Variants in THSD4 observed in about 807,000 individuals in gnomAD.
The protein encoded by THSD4 is thrombospondin type-1 domain-containing protein 4.
In THSD4, 69 loss-of-function variants were observed where a neutral mutation model predicts 119.0. The ratio of observed to expected loss-of-function variants is 0.58; its 90% confidence interval spans 0.48 to 0.71. The LOEUF (loss-of-function observed/expected upper bound fraction) is 0.71, where lower values mean the gene tolerates loss of function less well. Ranked by LOEUF, THSD4 falls within the 30% of genes least tolerant of loss-of-function variation. The probability of loss-of-function intolerance (pLI) is 0.00; values close to 1 mark genes in which losing one functional copy is unlikely to be tolerated. For missense variants in THSD4, 1,393 were observed against 1,391.1 expected, an observed-to-expected ratio of 1.00 and a Z score of -0.02; for synonymous variants, 524 against 540.4, an observed-to-expected ratio of 0.97 and a Z score of 0.42.
At chr15:71,455,275 A>G (rs2047323009) in intron 7 of THSD4, among the ~76,000 whole-genome samples, 1 of 152,234 alleles carries the variant, frequency 6.6e-6, no homozygotes, top group Non-Finnish European at 1.5e-5. Flanking sequence ...CAGCGGCACC[A>G]CAATGATGAA....
At chr15:71,333,583 G>A (rs1230116275) in intron 6 of THSD4, among the ~76,000 whole-genome samples, 1 of 152,146 alleles carries the variant, frequency 6.6e-6, no homozygotes, top group Non-Finnish European at 1.5e-5. Flanking sequence ...ATAGAGTGCA[G>A]AAAGGCAGTG....
intron 7 of THSD4, among the ~76,000 whole-genome samples, chr15:71,473,208 C>G (rs995447083): frequency 6.6e-6 from 1 of 152,092 alleles, no homozygotes. Flanking sequence ...CAGGCACACA[C>G]TACCACACCT....
chr15:71,424,803 G>T (rs1443989476), intron 7 of THSD4, among the ~76,000 whole-genome samples: 1 of 152,080 alleles, frequency 6.6e-6, no homozygotes, highest in Non-Finnish European at 1.5e-5. Flanking sequence ...ATAGTTTGGG[G>T]GTGTATGTAT....
chr15:71,683,897 C>A (rs944742643), intron 8 of THSD4, among the ~76,000 whole-genome samples: 13 of 152,140 alleles, frequency 8.5e-5, no homozygotes, highest in African/African-American at 3.1e-4. Flanking sequence ...ATCACTTGAA[C>A]CCAGGAGGCA....
intron 4 of THSD4, among the ~76,000 whole-genome samples, chr15:71,222,782 T>C (rs1567161984): frequency 6.6e-6 from 1 of 152,188 alleles, no homozygotes; most frequent in Non-Finnish European, 1.5e-5. Flanking sequence ...TGGCCAGCTC[T>C]CAATGACTGG....
At chr15:71,533,551 C>G (rs533742542) in intron 7 of THSD4, among the ~76,000 whole-genome samples, 3 of 152,178 alleles carry the variant, frequency 2.0e-5, no homozygotes, top group Admixed American at 6.5e-5. Flanking sequence ...AGATTTTTCA[C>G]CATTATGAAC....
At chr15:71,564,179 C>A (rs1379959319) in intron 7 of THSD4, among the ~76,000 whole-genome samples, 2 of 152,146 alleles carry the variant, frequency 1.3e-5, no homozygotes, top group South Asian at 4.1e-4. Flanking sequence ...AGGTAAGATG[C>A]CCTATTCCTG....
At chr15:71,344,301 C>A (rs552223361) in intron 6 of THSD4, among the ~76,000 whole-genome samples, 6 of 151,734 alleles carry the variant, frequency 4.0e-5, no homozygotes, top group African/African-American at 9.7e-5. Flanking sequence ...CCTCGGCCCC[C>A]CAAAGTACTG....
intron 7 of THSD4, among the ~76,000 whole-genome samples, chr15:71,471,540 C>T (rs2047580541): frequency 6.6e-6 from 1 of 151,882 alleles, no homozygotes; most frequent in Non-Finnish European, 1.5e-5. Context: ...TTGCCCTCAC[C>T]CACTTTATGT....
intron 6 of THSD4, among the ~76,000 whole-genome samples, chr15:71,297,803 G>A (rs973575749): frequency 1.3e-5 from 2 of 152,124 alleles, no homozygotes; most frequent in African/African-American, 2.4e-5. Flanking sequence ...TGGGTTGTAT[G>A]TCTTTTTGTT....
chr15:71,739,840 T>C lies in THSD4; in HGVS notation c.1906+1833T>C, dbSNP rs1205537607. Among the ~76,000 whole-genome samples the C allele has an allele frequency of 4.0e-5, 6 of 151,886 alleles. No individual in the cohort carries two copies. The East Asian group carries it at 7.7e-4, about 20-fold the overall frequency. On this transcript the variant is annotated intron_variant, in intron 11 of 17. Transcript: ENST00000261862. ...CTTTGCTTTGCTTTGCTTTTTTTTTTTCTTTTCCTTTCTTTTCTTTTCTTT... is the reference window on the plus strand; with the variant it reads ...CTTTGCTTTGCTTTGCTTTTTTTTTCTCTTTTCCTTTCTTTTCTTTTCTTT...
In THSD4 at chr15:71,283,410, T is replaced by C. The variant is rs560997647; in HGVS notation, c.1015+26695T>C. Among the ~76,000 whole-genome samples the C allele has an allele frequency of 3.9e-5, 6 of 152,354 alleles. No individual in the cohort carries two copies. In the South Asian group the frequency reaches 1.2e-3, roughly 32 times the overall value. On this transcript the variant is annotated intron_variant, in intron 6 of 17. Coordinates refer to ENST00000261862, the MANE Select transcript of THSD4 (RefSeq NM_024817.3). ...ACGTCACTTATTTCTTGAATGTTAATATTAAATGTTAATATTATCTCCTTA... is the reference window on the plus strand; with the variant it reads ...ACGTCACTTATTTCTTGAATGTTAACATTAAATGTTAATATTATCTCCTTA...
chr15:71,383,699 TC>T (rs1414339373), intron 6 of THSD4, among the ~76,000 whole-genome samples: 1 of 152,164 alleles, frequency 6.6e-6, no homozygotes, highest in African/African-American at 2.4e-5. Context: ...TGCTTCTGCA[TC>T]CATGGATTCC....
At chr15:71,599,799 T>G (rs767113888) in intron 7 of THSD4, among the ~76,000 whole-genome samples, 2 of 152,214 alleles carry the variant, frequency 1.3e-5, no homozygotes, top group Non-Finnish European at 2.9e-5. Flanking sequence ...TCTCTCTGCA[T>G]TGTGTGGAGA....
rs2046924731 is a variant in THSD4, at chr15:71,430,294, C to CG, written c.1152+18471_1152+18472insG. ...CTTTTCTCTCTTTAGCCTTCCATTT[C>CG]TACCAAAGATACTCATAATGAGACT... On this transcript the variant is annotated intron_variant, in intron 7 of 17. Transcript: ENST00000261862. Among the ~76,000 whole-genome samples, 9 of 152,274 alleles carry CG rather than the reference C, an allele frequency of 5.9e-5. 1 individual carries two copies. The South Asian group carries it at 1.7e-3, about 28-fold the overall frequency.
chr15:71,602,572 A>AG (rs1567057572), intron 7 of THSD4, among the ~76,000 whole-genome samples: 7 of 147,572 alleles, frequency 4.7e-5, no homozygotes, highest in Non-Finnish European at 3.0e-5. Flanking sequence ...AAAAAAAAAA[A>AG]AAAAAAAATG....
intron 6 of THSD4, among the ~76,000 whole-genome samples, chr15:71,390,323 A>G (rs977035660): frequency 2.0e-5 from 3 of 152,200 alleles, no homozygotes; most frequent in African/African-American, 7.2e-5. Flanking sequence ...TTTTTGGCGA[A>G]CGTCCATATG....
chr15:71,493,649 A>G (rs2047960500), intron 7 of THSD4, among the ~76,000 whole-genome samples: 2 of 152,186 alleles, frequency 1.3e-5, no homozygotes, highest in Admixed American at 6.5e-5. Flanking sequence ...ACTCACTGTG[A>G]AGAGTGTGAT....
chr15:71,516,315 A>G lies in THSD4; in HGVS notation c.1152+104492A>G, dbSNP rs534712659. Among the ~76,000 whole-genome samples, 43 of 152,226 alleles carry G rather than the reference A, an allele frequency of 2.8e-4. 1 individual carries two copies. The South Asian group carries it at 8.7e-3, about 31-fold the overall frequency. On this transcript the variant is annotated intron_variant, in intron 7 of 17. Transcript: ENST00000261862. The stretch of plus-strand genomic sequence containing the variant: ...CATCATTGCCATTTTGTCCCAATTT[A>G]CCACCGAGCAAATGCAAGGGTTGGA...
Sources: allele counts gnomAD v4.1 joint callset (sites outside exome capture counted in the v4.1 genomes callset), GRCh38; gene constraint gnomAD v4.1.1; transcripts MANE v1.5; gene names NCBI Gene and HGNC (gene_info 2026-07-23, HGNC 2026-07-21).